TRPC3: variants seen among roughly 807,000 people sequenced by gnomAD.
The protein encoded by TRPC3 is short transient receptor potential channel 3.
Under a neutral mutation model 90.9 loss-of-function variants are expected in TRPC3, and 54 were observed. The ratio of observed to expected loss-of-function variants is 0.59; its 90% CI spans 0.48 to 0.75. The LOEUF is 0.75. Among genes scored for constraint, TRPC3 ranks in the 30% least tolerant of loss-of-function variants. TRPC3 has a pLI of 0.00. For missense variants in TRPC3, 918 were observed against 1,194.5 expected, an observed-to-expected ratio of 0.77 and a Z score of 3.41; for synonymous variants, 424 against 450.9, an observed-to-expected ratio of 0.94 and a Z score of 0.75.
In TRPC3 at chr4:121,951,713, G is replaced by A. The variant is rs1207047706; in HGVS notation, c.-33C>T. The A allele has an allele frequency of 7.8e-6, 10 of 1,289,928 alleles. No homozygotes were observed. The highest frequency in any genetic ancestry group is 8.2e-5 in the Admixed American group (2 of 24,480). The allele number at this position is 1,289,928 out of a possible 1,614,324, so 79.9% of individuals were successfully genotyped here. ...GCTGCGGTCCGAGTGTGGGGGTGCC[G>A]GCTGCCGGCCTCCTCCGCCTTCGCG... On this transcript the variant is annotated 5_prime_UTR_variant, in exon 1 of 12. Transcript: ENST00000379645. The surrounding 1 kb of genome is among the most constrained non-coding windows in gnomAD (Gnocchi z 4.4).
At chr4:121,892,215 A>C (rs554309034) in intron 10 of TRPC3, among the ~76,000 whole-genome samples, 1 of 152,224 alleles carries the variant, frequency 6.6e-6, no homozygotes, top group South Asian at 2.1e-4. Flanking sequence ...GTATGTTTAA[A>C]AATATTAAGA....
intron 1 of TRPC3, among the ~76,000 whole-genome samples, chr4:121,940,701 C>T (rs995570322): frequency 1.3e-5 from 2 of 152,174 alleles, no homozygotes; most frequent in Non-Finnish European, 2.9e-5. Context: ...TTTCTGAAGC[C>T]ATTCCTGACC....
intron 3 of TRPC3, among the ~76,000 whole-genome samples, chr4:121,916,760 C>T (rs188381292): frequency 6.6e-6 from 1 of 152,012 alleles, no homozygotes; most frequent in Admixed American, 6.5e-5. Flanking sequence ...GTTGCCCAGG[C>T]TGGAGTGCAA....
In TRPC3 at chr4:121,876,435, A is replaced by C. The variant is rs1054408429; in HGVS notation, c.*3301T>G. Reference sequence around the variant, plus strand: ...TAGCATAACCCTGTTTGCCTGAACCATTTATGAAGACCAGAGAAGTTAAAT... The same window carrying C: ...TAGCATAACCCTGTTTGCCTGAACCCTTTATGAAGACCAGAGAAGTTAAAT... On this transcript the variant is annotated 3_prime_UTR_variant, in exon 12 of 12. Transcript: ENST00000379645. Among the ~76,000 whole-genome samples the C allele has an allele frequency of 6.6e-6, 1 of 152,188 alleles. No homozygotes were observed. The highest frequency in any genetic ancestry group is 1.9e-4 in the East Asian group (1 of 5,196).
At chr4:121,949,575 G>C (rs1425609532) in intron 1 of TRPC3, among the ~76,000 whole-genome samples, 1 of 152,118 alleles carries the variant, frequency 6.6e-6, no homozygotes, top group Non-Finnish European at 1.5e-5. Flanking sequence ...GGAATAAACA[G>C]CTAATCTCTG....
chr4:121,923,138 G>T (rs913757311), intron 3 of TRPC3, among the ~76,000 whole-genome samples: 1 of 152,024 alleles, frequency 6.6e-6, no homozygotes, highest in Non-Finnish European at 1.5e-5. Context: ...CTCACTTGCT[G>T]CTAGGGTGCA....
In TRPC3 at chr4:121,932,176, A is replaced by G; in HGVS notation, c.987+95T>C. The G allele has an allele frequency of 6.5e-7, 1 of 1,536,434 alleles. No homozygotes were observed. Among genetic ancestry groups the G allele is most frequent in the Non-Finnish European group, 8.8e-7 (1 of 1,140,820 alleles). Reference sequence around the variant, plus strand: ...CGTGATTTCACATTCACTGGGCAAAACCGAATGTGGAGCGAACGGTGGCAG... The same window carrying G: ...CGTGATTTCACATTCACTGGGCAAAGCCGAATGTGGAGCGAACGGTGGCAG... On this transcript the variant is annotated intron_variant, in intron 2 of 11. Transcript: ENST00000379645. The surrounding 1 kb of genome is among the most constrained non-coding windows in gnomAD (Gnocchi z 7.7).
chr4:121,951,466 A>T lies in TRPC3; in HGVS notation c.215T>A (p.Leu72Gln). Residue 72 changes from leucine (L) to glutamine (Q), a missense_variant and splice_region_variant, in exon 1 of 12, where the codon CTG (leucine) becomes CAG (glutamine). Physicochemically the swap from Leu to Gln is moderately radical, Grantham distance 113. Coordinates refer to ENST00000379645, the MANE Select transcript of TRPC3 (RefSeq NM_001130698.2). The surrounding 1 kb of genome is among the most constrained non-coding windows in gnomAD (Gnocchi z 4.4). ...CPPPFSHGPD[L>Q]SMEGSPSLRR... ...GGCCGCGGCCGGGCCCGGTACTCACAGGTCCGGCCCGTGGGAGAAGGGCGG... is the reference window on the plus strand; with the variant it reads ...GGCCGCGGCCGGGCCCGGTACTCACTGGTCCGGCCCGTGGGAGAAGGGCGG... The T allele has an allele frequency of 9.5e-6, 12 of 1,259,818 alleles. No individual in the cohort carries two copies. The highest frequency in any genetic ancestry group is 1.2e-5 in the Non-Finnish European group (12 of 1,001,182). The allele number at this position is 1,259,818 out of a possible 1,614,324, so 78.0% of individuals were successfully genotyped here.
intron 7 of TRPC3, among the ~76,000 whole-genome samples, chr4:121,904,900 T>C (rs1728827907): frequency 6.6e-6 from 1 of 152,184 alleles, no homozygotes; most frequent in Admixed American, 6.6e-5. Flanking sequence ...AGGGTTGGGA[T>C]TAAAATTATA....
intron 1 of TRPC3, among the ~76,000 whole-genome samples, chr4:121,946,701 AAGG>A (rs1730501483): frequency 6.6e-6 from 1 of 152,222 alleles, no homozygotes; most frequent in Non-Finnish European, 1.5e-5. Context: ...GTAGACAGAA[AAGG>A]AGAAGGGACC....
At position 121,879,198 on chromosome 4, in the gene TRPC3, C is replaced by T. The variant is rs1245370713; in HGVS notation, c.*538G>A. 2 of 145,984 alleles carry T rather than the reference C, an allele frequency of 1.4e-5. No individual in the cohort carries two copies. The highest frequency in any genetic ancestry group is 5.1e-5 in the African/African-American group (2 of 39,290). 9.0% of individuals were successfully genotyped at this position (145,984 alleles called of 1,614,324 possible). Reference sequence around the variant, plus strand: ...AAATTCTAAGAATGTCTTACCAAGTCATAGCTGGTTGTAAAATGTCTTCAG... The same window carrying T: ...AAATTCTAAGAATGTCTTACCAAGTTATAGCTGGTTGTAAAATGTCTTCAG... On this transcript the variant is annotated 3_prime_UTR_variant, in exon 12 of 12. Transcript: ENST00000379645.
At chr4:121,946,476 T>C (rs1435587154) in intron 1 of TRPC3, among the ~76,000 whole-genome samples, 1 of 152,232 alleles carries the variant, frequency 6.6e-6, no homozygotes, top group African/African-American at 2.4e-5. Context: ...AATGTAGTCA[T>C]ACTATACTAC....
Position 121,914,897 on chromosome 4 carries a change from A to T in TRPC3, c.1224T>A (p.Tyr408Ter). The T allele has an allele frequency of 6.2e-7, 1 of 1,612,390 alleles. No homozygotes were observed. Among genetic ancestry groups the T allele is most frequent in the Non-Finnish European group, 8.5e-7 (1 of 1,178,628 alleles). ...GCTCCCTTAGGCCTGAGAGGTTCTC[A>T]TACCAGATCGTCAAGAGCTGCTGCT... ...NCQQQLLTIW[Y>*]ENLSGLREQT... Residue 408 changes from tyrosine (Y) to a stop codon, truncating the protein, a stop_gained, in exon 4 of 12, where the codon TAT becomes TAA. Transcript: ENST00000379645. LOFTEE classifies it high-confidence loss of function.
At chr4:121,942,084 C>T (rs1008251817) in intron 1 of TRPC3, among the ~76,000 whole-genome samples, 3 of 152,130 alleles carry the variant, frequency 2.0e-5, no homozygotes, top group South Asian at 2.1e-4. Context: ...AAGAGGAAAG[C>T]GCAGATTTCA....
chr4:121,895,416 TAAAC>T (rs1035563222), intron 10 of TRPC3, among the ~76,000 whole-genome samples: 14 of 151,612 alleles, frequency 9.2e-5, no homozygotes, highest in Non-Finnish European at 1.6e-4. Context: ...TTTAAAAAGA[TAAAC>T]AAAATTGACA....
At position 121,879,248 on chromosome 4, in the gene TRPC3, A is replaced by AAC. The variant is rs1553936077; in HGVS notation, c.*486_*487dup. On this transcript the variant is annotated 3_prime_UTR_variant, in exon 12 of 12. Coordinates refer to ENST00000379645, the MANE Select transcript of TRPC3 (RefSeq NM_001130698.2). The stretch of plus-strand genomic sequence containing the variant: ...GTTTCTATTAAAAAAAAAAAAAAAA[A>AAC]ACCTCTTCAGAACTTGGACAAGGGA... The AAC allele has an allele frequency of 6.6e-6, 1 of 151,836 alleles. No homozygotes were observed. The highest frequency in any genetic ancestry group is 2.4e-5 in the African/African-American group (1 of 41,304). 9.4% of individuals were successfully genotyped at this position (151,836 alleles called of 1,614,324 possible). A position where few individuals can be genotyped will look rare whatever the true frequency, so the allele number is the denominator to read the frequency against.
intron 2 of TRPC3, among the ~76,000 whole-genome samples, chr4:121,927,117 T>G (rs1729748218): frequency 6.6e-6 from 1 of 152,232 alleles, no homozygotes; most frequent in African/African-American, 2.4e-5. Flanking sequence ...TCACTGTATG[T>G]AACTGAATTC....
At chr4:121,891,048 A>C (rs1728309609) in intron 10 of TRPC3, among the ~76,000 whole-genome samples, 1 of 152,130 alleles carries the variant, frequency 6.6e-6, no homozygotes, top group African/African-American at 2.4e-5. Context: ...ATACAGATCC[A>C]TCTATAGAAC....
At chr4:121,941,180 G>A (rs1730297802) in intron 1 of TRPC3, among the ~76,000 whole-genome samples, 1 of 152,208 alleles carries the variant, frequency 6.6e-6, no homozygotes, top group Non-Finnish European at 1.5e-5. Context: ...TAACATGGGT[G>A]TTTGGGTTGA....
Sources: allele counts gnomAD v4.1 joint callset (sites outside exome capture counted in the v4.1 genomes callset), GRCh38; gene constraint gnomAD v4.1.1; non-coding constraint Gnocchi (gnomAD v3.1); transcripts MANE v1.5; gene names NCBI Gene and HGNC (gene_info 2026-07-23, HGNC 2026-07-21).